SLCO5A1: variants seen among roughly 807,000 people sequenced by gnomAD.
The protein encoded by SLCO5A1 is solute carrier organic anion transporter family member 5A1, also known as organic anion transporter polypeptide-related protein 4.
A neutral mutation model predicts 65.1 loss-of-function variants in SLCO5A1; 39 were observed. The ratio of observed to expected loss-of-function variants is 0.60; its 90% CI spans 0.46 to 0.78. SLCO5A1 has a LOEUF of 0.78. SLCO5A1 is among the 30% of genes least tolerant of loss of function. The probability of loss-of-function intolerance (pLI) is 0.00; values close to 1 mark genes in which losing one functional copy is unlikely to be tolerated. For missense variants in SLCO5A1, 1,029 were observed against 1,069.4 expected (o/e 0.96, Z 0.53); for synonymous variants, 438 against 415.7 (o/e 1.05, Z -0.65).
At chr8:69,799,805 G>A (rs968816147) in intron 2 of SLCO5A1, among the ~76,000 whole-genome samples, 1 of 152,204 alleles carries the variant, frequency 6.6e-6, no homozygotes. Context: ...GATAACCAAT[G>A]ATCAACTGCC....
At chr8:69,798,775 C>T (rs140580214) in intron 2 of SLCO5A1, among the ~76,000 whole-genome samples, 5 of 152,108 alleles carry the variant, frequency 3.3e-5, no homozygotes, top group South Asian at 4.2e-4. Context: ...AGGAGGAACA[C>T]GAGGTGGATG....
chr8:69,792,920 T>A (rs1479059702), intron 2 of SLCO5A1, among the ~76,000 whole-genome samples: 3 of 152,044 alleles, frequency 2.0e-5, no homozygotes, highest in Non-Finnish European at 4.4e-5. Flanking sequence ...GTTTTGGGGT[T>A]TTTTTAAGGT....
intron 5 of SLCO5A1, 90 bp from the exon 6 acceptor site, chr8:69,705,319 G>T: frequency 8.0e-7 from 1 of 1,252,238 alleles, no homozygotes; most frequent in Non-Finnish European, 1.1e-6. Flanking sequence ...TAGTACTGAG[G>T]TAAAAAATCA....
intron 5 of SLCO5A1, among the ~76,000 whole-genome samples, chr8:69,730,951 T>C (rs1202936762): frequency 1.3e-5 from 2 of 151,944 alleles, no homozygotes; most frequent in African/African-American, 4.8e-5. Context: ...TTCAAGCATG[T>C]GAGATGGCCT....
At chr8:69,680,302 T>A (rs1343681044) in intron 7 of SLCO5A1, among the ~76,000 whole-genome samples, 2 of 152,170 alleles carry the variant, frequency 1.3e-5, no homozygotes, top group Non-Finnish European at 2.9e-5. Context: ...CACCCTCTAG[T>A]AGTCTCCAGT....
At chr8:69,800,245 ATTTTTTTTTTT>A (rs749384852) in intron 2 of SLCO5A1, among the ~76,000 whole-genome samples, 1 of 81,300 alleles carries the variant, frequency 1.2e-5, no homozygotes, top group Non-Finnish European at 2.2e-5. Context: ...AGACGCTTGA[ATTTTTTTTTTT>A]TTTTTTTTTT....
chr8:69,743,686 C>T (rs1816899423), intron 4 of SLCO5A1, among the ~76,000 whole-genome samples: 1 of 152,140 alleles, frequency 6.6e-6, no homozygotes, highest in African/African-American at 2.4e-5. Context: ...CTCTGTGGCT[C>T]CTTATACAGA....
intron 4 of SLCO5A1, among the ~76,000 whole-genome samples, chr8:69,747,495 G>A (rs148852137): frequency 3.3e-5 from 5 of 152,142 alleles, no homozygotes; most frequent in Middle Eastern, 3.4e-3. Context: ...CCCTAATCAA[G>A]ACCATATAAC....
chr8:69,768,161 A>G (rs1818160501), intron 2 of SLCO5A1, among the ~76,000 whole-genome samples: 1 of 152,124 alleles, frequency 6.6e-6, no homozygotes, highest in South Asian at 2.1e-4. Context: ...TGAGTTTGGG[A>G]GGTCAAGGCT....
intron 2 of SLCO5A1, among the ~76,000 whole-genome samples, chr8:69,787,437 T>A (rs2890467): frequency 0.21 from 31,933 of 152,060 alleles, 4,154 homozygotes; most frequent in African/African-American, 0.37. Flanking sequence ...GGTTGCCCGG[T>A]TTGGATGATA....
intron 3 of SLCO5A1, among the ~76,000 whole-genome samples, chr8:69,756,395 G>A (rs549424757): frequency 1.7e-4 from 26 of 152,182 alleles, no homozygotes; most frequent in Non-Finnish European, 2.5e-4. Flanking sequence ...CTGGGTGACA[G>A]AGCAAAACTT....
At chr8:69,687,707 T>G (rs1455209760) in intron 6 of SLCO5A1, among the ~76,000 whole-genome samples, 1 of 152,128 alleles carries the variant, frequency 6.6e-6, no homozygotes, top group Non-Finnish European at 1.5e-5. Context: ...GTTCTGGTCT[T>G]TTCTCAATGT....
intron 5 of SLCO5A1, among the ~76,000 whole-genome samples, chr8:69,733,560 T>C (rs552273257): frequency 2.6e-5 from 4 of 152,302 alleles, no homozygotes; most frequent in African/African-American, 7.2e-5. Flanking sequence ...TCAAATCTCA[T>C]CTCAAATTGT....
chr8:69,696,213 C>A (rs934949389), intron 6 of SLCO5A1, among the ~76,000 whole-genome samples: 2 of 152,176 alleles, frequency 1.3e-5, no homozygotes, highest in African/African-American at 4.8e-5. Context: ...GTGGACTGTG[C>A]TTTCCGTTCC....
intron 2 of SLCO5A1, among the ~76,000 whole-genome samples, chr8:69,824,189 T>C (rs1820770394): frequency 6.6e-6 from 1 of 151,498 alleles, no homozygotes; most frequent in African/African-American, 2.4e-5. Flanking sequence ...GATCCAAAAT[T>C]GACACCCTAA....
intron 2 of SLCO5A1, among the ~76,000 whole-genome samples, chr8:69,792,216 A>G (rs1667160556): frequency 6.6e-6 from 1 of 152,192 alleles, no homozygotes; most frequent in Non-Finnish European, 1.5e-5. Context: ...TGTGTGATTA[A>G]TGGCCAAACA....
At chr8:69,765,492 T>A (rs186505064) in intron 2 of SLCO5A1, among the ~76,000 whole-genome samples, 27 of 152,110 alleles carry the variant, frequency 1.8e-4, no homozygotes, top group Non-Finnish European at 3.5e-4. Context: ...GGAAGAAATA[T>A]TTCTGGCTAG....
intron 6 of SLCO5A1, among the ~76,000 whole-genome samples, chr8:69,683,483 T>A (rs1163435953): frequency 6.6e-6 from 1 of 152,172 alleles, no homozygotes; most frequent in Non-Finnish European, 1.5e-5. Context: ...GGGCTTTTAG[T>A]GAACCCATCA....
intron 5 of SLCO5A1, among the ~76,000 whole-genome samples, chr8:69,719,371 T>G (rs1457121855): frequency 6.6e-6 from 1 of 152,210 alleles, no homozygotes; most frequent in Non-Finnish European, 1.5e-5. Context: ...TCGGAGCATC[T>G]GTGGAGAACA....
Sources: allele counts gnomAD v4.1 joint callset (sites outside exome capture counted in the v4.1 genomes callset), GRCh38; gene constraint gnomAD v4.1.1; transcripts MANE v1.5; gene names NCBI Gene and HGNC (gene_info 2026-07-23, HGNC 2026-07-21).